The following NRP2 variants were observed in gnomAD, a reference collection of about 807,000 sequenced individuals.
NRP2 encodes neuropilin 2.
In NRP2, 52 loss-of-function variants were observed where a neutral mutation model predicts 110.4. The observed-to-expected ratio is 0.47, with a 90% CI of 0.38 to 0.59. The LOEUF (loss-of-function observed/expected upper bound fraction) is 0.59, where lower values mean the gene tolerates loss of function less well. NRP2 is among the 20% of genes least tolerant of loss of function. The probability of loss-of-function intolerance (pLI) is 0.00; values close to 1 mark genes in which losing one functional copy is unlikely to be tolerated. For synonymous variants in NRP2, 508 were observed against 468.9 expected, an observed-to-expected ratio of 1.08 and a Z score of -1.08; for missense variants, 1,049 against 1,203.0, an observed-to-expected ratio of 0.87 and a Z score of 1.89.
intron 7 of NRP2, among the ~76,000 whole-genome samples, chr2:205,734,215 G>GCACACA (rs141532341): frequency 1.0e-4 from 15 of 149,302 alleles, no homozygotes; most frequent in African/African-American, 2.5e-4. Flanking sequence ...GTATACACGT[G>GCACACA]CACACACACA....
chr2:205,751,886 C>A (rs1001302444), intron 11 of NRP2, among the ~76,000 whole-genome samples: 3 of 152,186 alleles, frequency 2.0e-5, no homozygotes, highest in African/African-American at 7.2e-5. Flanking sequence ...GCACTGCCGG[C>A]AAACAACCAA....
intron 15 of NRP2, chr2:205,767,335 G>C: frequency 2.1e-6 from 1 of 482,812 alleles, no homozygotes; most frequent in South Asian, 1.5e-5. Flanking sequence ...GAGGTACGGT[G>C]GCAGGCTGCT....
In NRP2 at chr2:205,723,769, T is replaced by C. The variant is rs958556447; in HGVS notation, c.665-16T>C. On this transcript the variant is annotated splice_polypyrimidine_tract_variant and intron_variant, in intron 4 of 16. Transcript: ENST00000357785. Reference sequence around the variant, plus strand: ...ATTTTGATTTCCACTGACTTCTCTTTGTCTTGAATGTCCAGTTGGCCCCCT... The same window carrying C: ...ATTTTGATTTCCACTGACTTCTCTTCGTCTTGAATGTCCAGTTGGCCCCCT... 1 of 1,613,936 alleles carries C rather than the reference T, an allele frequency of 6.2e-7. No individual in the cohort carries two copies.
intron 8 of NRP2, among the ~76,000 whole-genome samples, chr2:205,741,171 G>A (rs557384252): frequency 2.6e-5 from 4 of 152,304 alleles, no homozygotes; most frequent in Non-Finnish European, 4.4e-5. Context: ...GTGGGCATAT[G>A]GACAAGTTGG....
intron 15 of NRP2, among the ~76,000 whole-genome samples, chr2:205,789,368 CTTCCTGACCTGCA>C (rs1441701127): frequency 6.6e-6 from 1 of 152,190 alleles, no homozygotes; most frequent in African/African-American, 2.4e-5. Context: ...GGTAAGATCC[CTTCCTGACCTGCA>C]TTCTTCTAGA....
At chr2:205,741,953 GTT>G (rs2057449173) in intron 8 of NRP2, among the ~76,000 whole-genome samples, 1 of 152,178 alleles carries the variant, frequency 6.6e-6, no homozygotes, top group African/African-American at 2.4e-5. Context: ...CTGAACCCAC[GTT>G]TTCTCAATTC....
intron 12 of NRP2, among the ~76,000 whole-genome samples, chr2:205,753,850 T>C (rs1431072868): frequency 6.6e-6 from 1 of 152,228 alleles, no homozygotes; most frequent in Non-Finnish European, 1.5e-5. Flanking sequence ...GAGCATTATA[T>C]AGTTTTTTTT....
chr2:205,687,612 G>C (rs2056203489), intron 1 of NRP2, among the ~76,000 whole-genome samples: 1 of 152,162 alleles, frequency 6.6e-6, no homozygotes, highest in Non-Finnish European at 1.5e-5. Context: ...ATCAGGTTTG[G>C]AGTTTTATGT....
At chr2:205,794,478 A>G (rs367705505) in intron 16 of NRP2, among the ~76,000 whole-genome samples, 13 of 152,342 alleles carry the variant, frequency 8.5e-5, no homozygotes, top group Admixed American at 3.9e-4. Context: ...TACAAATATT[A>G]GTTCATGTAA....
intron 15 of NRP2, chr2:205,776,879 C>T (rs182985407): frequency 8.2e-7 from 1 of 1,213,042 alleles, no homozygotes; most frequent in African/African-American, 1.6e-5. Flanking sequence ...TCCCATACCT[C>T]CTCTCAGTGG....
intron 15 of NRP2, among the ~76,000 whole-genome samples, chr2:205,772,094 C>T (rs1460932849): frequency 6.6e-6 from 1 of 152,248 alleles, no homozygotes; most frequent in African/African-American, 2.4e-5. Context: ...GAATGCTTCT[C>T]TGCCCTTCTC....
intron 15 of NRP2, among the ~76,000 whole-genome samples, chr2:205,780,448 T>C (rs1194241132): frequency 6.6e-6 from 1 of 152,146 alleles, no homozygotes; most frequent in Non-Finnish European, 1.5e-5. Context: ...GACCCAGTTA[T>C]ATAAAATATT....
Position 205,794,973 on chromosome 2 carries a change from C to T in NRP2, c.2696C>T (p.Thr899Ile). 6.2e-7 allele frequency: 1 copy of T among 1,614,172 alleles called. No individual in the cohort carries two copies. The highest frequency in any genetic ancestry group is 8.5e-7 in the Non-Finnish European group (1 of 1,180,028). ...YSGLSSRSCT[T>I]LENYNFELYD... is the part of the protein sequence containing the mutation. ...GGCCTGAGCTCCCGAAGCTGCACCA[C>T]ACTGGAGAACTACAACTTCGAGCTC... is the stretch of plus-strand genomic sequence containing the variant. Residue 899 changes from threonine to isoleucine, a missense_variant, in exon 17 of 17, where the codon ACA (threonine) becomes ATA (isoleucine). Physicochemically the swap from Thr to Ile is moderately conservative, Grantham distance 89. Transcript: ENST00000357785.
chr2:205,774,242 C>T (rs2058065061), intron 15 of NRP2, among the ~76,000 whole-genome samples: 1 of 152,194 alleles, frequency 6.6e-6, no homozygotes, highest in Non-Finnish European at 1.5e-5. Context: ...GAGCCATTTC[C>T]AGCACCTTGC....
intron 1 of NRP2, among the ~76,000 whole-genome samples, chr2:205,690,626 A>ACG (rs1553571428): frequency 7.0e-4 from 87 of 124,566 alleles, no homozygotes; most frequent in Non-Finnish European, 1.1e-3. Context: ...ACACACACAC[A>ACG]CACAATAGCT....
In NRP2 at chr2:205,743,321, C is replaced by T. The variant is rs774680234; in HGVS notation, c.1410C>T (p.Ser470=). Residue 470 remains serine, a synonymous_variant, in exon 9 of 17, where the codon AGC becomes AGT. Coordinates refer to ENST00000357785, the MANE Select transcript of NRP2 (RefSeq NM_003872.3). ...CCAGTGCAGCCCGCCTGGTTAGCAG[C>T]CGCTCGGGCTGGTTCCCTCGAATCC... The part of the protein sequence containing the change: ...WSPSAARLVS[S]RSGWFPRIPQ... The T allele has an allele frequency of 8.1e-6, 13 of 1,614,040 alleles. No homozygotes were observed. In the Admixed American group the frequency reaches 1.3e-4, roughly 17 times the overall value.
At chr2:205,788,550 G>T (rs1277846123) in intron 15 of NRP2, among the ~76,000 whole-genome samples, 1 of 147,668 alleles carries the variant, frequency 6.8e-6, no homozygotes, top group East Asian at 2.0e-4. Context: ...AAGAGATCAG[G>T]TGCCATGTTT....
At position 205,686,177 on chromosome 2, in the gene NRP2, C is replaced by A. The variant is rs1184842631; in HGVS notation, c.73+2814C>A. Among the ~76,000 whole-genome samples the A allele has an allele frequency of 1.3e-5, 2 of 152,174 alleles. No homozygotes were observed. The highest frequency in any genetic ancestry group is 4.8e-5 in the African/African-American group (2 of 41,452). On this transcript the variant is annotated intron_variant, in intron 1 of 16. Transcript: ENST00000357785. The surrounding 1 kb of genome is among the most constrained non-coding windows in gnomAD (Gnocchi z 4.7). ...AGCGAAAGCAAAACCGAGGCTGAAG[C>A]CTCCGCGAAGTTGGCCGCCTCCAAC...
chr2:205,747,166 C>T (rs1430032298), intron 10 of NRP2, among the ~76,000 whole-genome samples: 1 of 152,152 alleles, frequency 6.6e-6, no homozygotes, highest in Non-Finnish European at 1.5e-5. Context: ...GCCCATGATA[C>T]ACAATTTAAA....
Sources: allele counts gnomAD v4.1 joint callset (sites outside exome capture counted in the v4.1 genomes callset), GRCh38; gene constraint gnomAD v4.1.1; non-coding constraint Gnocchi (gnomAD v3.1); transcripts MANE v1.5; gene names NCBI Gene and HGNC (gene_info 2026-07-23, HGNC 2026-07-21).